Variants in DST observed in about 807,000 individuals in gnomAD.
DST encodes dystonin.
A neutral mutation model predicts 875.2 loss-of-function variants in DST; 253 were observed. The ratio of observed to expected loss-of-function variants is 0.29; its 90% confidence interval spans 0.26 to 0.32. The LOEUF (loss-of-function observed/expected upper bound fraction) is 0.32. Ranked by LOEUF, DST falls within the 10% of genes least tolerant of loss-of-function variation. The pLI, the probability that DST is intolerant of heterozygous loss-of-function variation, is 1.00. For synonymous variants in DST, 3,124 were observed against 3,197.1 expected (o/e 0.98, Z 0.77); for missense variants, 8,287 against 9,111.6 (o/e 0.91, Z 3.68).
In DST at chr6:56,572,760, G is replaced by C; in HGVS notation, c.13541C>G (p.Ser4514Cys). 6.3e-7 allele frequency: 1 copy of C among 1,593,588 alleles called. No homozygotes were observed. Among genetic ancestry groups the C allele is most frequent in the Non-Finnish European group, 8.5e-7 (1 of 1,171,332 alleles). The change falls in exon 52 of 104, where the codon TCT (serine) becomes TGT (cysteine). Residue 4514 changes from serine to cysteine, a missense_variant. Physicochemically the swap from Ser to Cys is moderately radical, Grantham distance 112 (BLOSUM62 -1). This residue lies in a region of DST where 1,513 missense variants were observed against 1,677.8 expected (regional missense o/e 0.90). Transcript: ENST00000680361. Reference protein sequence around the residue: ...DVPGKDVTELSQYMQESTSEF... With the variant: ...DVPGKDVTELCQYMQESTSEF... ...AGGGAGGCATACCTGCATATACTGA[G>C]ACAATTCAGTAACATCTTTTCCTGG...
chr6:56,801,994 C>T (rs545037828), intron 4 of DST, among the ~76,000 whole-genome samples: 18 of 152,186 alleles, frequency 1.2e-4, no homozygotes, highest in African/African-American at 3.9e-4. Context: ...AGGTGATTGG[C>T]CCACCTCAGC....
chr6:56,702,363 GTTTTTATA>G (rs1300261766), intron 7 of DST, among the ~76,000 whole-genome samples: 1 of 151,178 alleles, frequency 6.6e-6, no homozygotes, highest in African/African-American at 2.5e-5. Flanking sequence ...TAGCAAGAGG[GTTTTTATA>G]ACTGTATATA....
chr6:56,615,971 C>A (rs148062292), intron 36 of DST: 1 of 1,614,224 alleles, frequency 6.2e-7, no homozygotes, highest in Non-Finnish European at 8.5e-7. Context: ...TTCGGCCACC[C>A]GGTACTTTTT....
At chr6:56,770,721 C>G (rs974235541) in intron 4 of DST, among the ~76,000 whole-genome samples, 1 of 152,154 alleles carries the variant, frequency 6.6e-6, no homozygotes, top group African/African-American at 2.4e-5. Flanking sequence ...AACAAAGGGG[C>G]TGGGCACAGT....
chr6:56,500,185 A>G (rs1454420597), intron 80 of DST, among the ~76,000 whole-genome samples: 1 of 152,154 alleles, frequency 6.6e-6, no homozygotes, highest in African/African-American at 2.4e-5. Flanking sequence ...AAAATAATCA[A>G]ACATTTCCTA....
At position 56,511,161 on chromosome 6, in the gene DST, C is replaced by A. The variant is rs755119157; in HGVS notation, c.18780+36G>T. ...ATGTCTTTCTGTGCTCTGTTGTCTGCAAGAACCCAATTCTATATCTAGTGT... is the reference window on the plus strand; with the variant it reads ...ATGTCTTTCTGTGCTCTGTTGTCTGAAAGAACCCAATTCTATATCTAGTGT... On this transcript the variant is annotated intron_variant, in intron 73 of 103. Transcript: ENST00000680361. 25 of 1,526,784 alleles carry A rather than the reference C, an allele frequency of 1.6e-5. No individual in the cohort carries two copies. In the Admixed American group the frequency reaches 4.7e-4, roughly 29 times the overall value. The allele number at this position is 1,526,784 out of a possible 1,614,324, so 94.6% of individuals were successfully genotyped here.
chr6:56,631,367 C>A lies in DST; in HGVS notation c.3986G>T (p.Arg1329Leu), dbSNP rs763518239. 2.0e-5 allele frequency: 33 copies of A among 1,613,834 alleles called. No individual in the cohort carries two copies. In the East Asian group the frequency reaches 7.1e-4, roughly 35 times the overall value. ...GATTGTTCCCAAATCATCTTTAAGT[C>A]GTTCCAGCTCTTTCTTTAGTTTCTA... The part of the protein sequence containing the change: ...EQEKLKKELE[R>L]LKDDLGTITN... The change falls in exon 30 of 104, where the codon CGA (arginine) becomes CTA (leucine). Residue 1329 changes from arginine to leucine, a missense_variant. By Grantham distance (102) the Arg-to-Leu change is moderately radical. Coordinates refer to ENST00000680361, the MANE Select transcript of DST (RefSeq NM_001374736.1).
chr6:56,461,867 T>C (rs1038008678), intron 102 of DST: 3 of 151,972 alleles, frequency 2.0e-5, no homozygotes, highest in Non-Finnish European at 4.4e-5. Flanking sequence ...TGGGAAGGGG[T>C]GGAAATGAGG....
At position 56,781,369 on chromosome 6, in the gene DST, C is replaced by T. The variant is rs1257912260; in HGVS notation, c.626-46080G>A. 2.6e-5 allele frequency among the ~76,000 whole-genome samples: 4 copies of T among 152,296 alleles called. No homozygotes were observed. In the South Asian group the frequency reaches 8.3e-4, roughly 32 times the overall value. The stretch of plus-strand genomic sequence containing the variant: ...CTACCCATGAGCATGGAATGTTCTT[C>T]CATTCGTTTGTATCCTCTTTTATTT... On this transcript the variant is annotated intron_variant, in intron 4 of 103. Coordinates refer to ENST00000680361, the MANE Select transcript of DST (RefSeq NM_001374736.1).
intron 4 of DST, among the ~76,000 whole-genome samples, chr6:56,753,554 A>T (rs1033114308): frequency 6.6e-6 from 1 of 152,232 alleles, no homozygotes; most frequent in African/African-American, 2.4e-5. Context: ...TATGCACCTA[A>T]GAGAATGCTT....
At position 56,609,147 on chromosome 6, in the gene DST, A is replaced by G. The variant is rs374549804; in HGVS notation, c.5481T>C (p.Ile1827=). Residue 1827 remains isoleucine, a synonymous_variant, in exon 40 of 104, where the codon ATT becomes ATC. Transcript: ENST00000680361. The part of the protein sequence containing the change: ...DLKDAKSHGL[I]DEQILCQLKE... ...TGAGTTGGCACAGAATTTGTTCATC[A>G]ATAAGGCCATGACTTTTGGCATCTT... The G allele has an allele frequency of 3.3e-5, 54 of 1,613,852 alleles. No individual in the cohort carries two copies. The African/African-American group carries it at 3.6e-4, about 11-fold the overall frequency.
intron 84 of DST, 77 bp from the exon 85 acceptor site, chr6:56,492,510 A>G: frequency 7.2e-7 from 1 of 1,388,532 alleles, no homozygotes; most frequent in Non-Finnish European, 1.0e-6. Context: ...GGTGTCATAA[A>G]CCTGAAATTA....
chr6:56,695,126 CAA>C (rs34456344), intron 9 of DST, among the ~76,000 whole-genome samples: 1,701 of 70,024 alleles, frequency 0.024, 49 homozygotes, highest in African/African-American at 0.086. Context: ...GACTCCCTCT[CAA>C]AAAAAAAAAA....
At chr6:56,598,374 T>C (rs773579013) in intron 46 of DST, 102 bp downstream of exon 46, 217 of 703,530 alleles carry the variant, frequency 3.1e-4, no homozygotes, top group Non-Finnish European at 3.7e-4. Flanking sequence ...TAATAATCCT[T>C]AGTGATAATC....
In DST at chr6:56,572,234, T is replaced by G; in HGVS notation, c.13587A>C (p.Lys4529Asn). ...ESTSEFLEHK[K>N]HLEVLHSLLK... ...AGAGACTATGCAAAACTTCAAGATG[T>G]TTCTTGTGTTCTAAAAATTCAGAAG... The change falls in exon 53 of 104, where the codon AAA becomes AAC. Residue 4529 changes from lysine (K) to asparagine (N), a missense_variant. By Grantham distance (94) the Lys-to-Asn change is moderately conservative (BLOSUM62 0). This residue lies in a region of DST where 1,513 missense variants were observed against 1,677.8 expected (regional missense o/e 0.90). Coordinates refer to ENST00000680361, the MANE Select transcript of DST (RefSeq NM_001374736.1). 1 of 1,571,322 alleles carries G rather than the reference T, an allele frequency of 6.4e-7. No individual in the cohort carries two copies. The highest frequency in any genetic ancestry group is 8.6e-7 in the Non-Finnish European group (1 of 1,157,888).
chr6:56,500,997 A>C (rs1001812096), intron 80 of DST, 83 bp downstream of exon 80: 6 of 1,375,972 alleles, frequency 4.4e-6, no homozygotes, highest in Non-Finnish European at 4.9e-6. Context: ...TGAAACACGC[A>C]TAAAGAAGAA....
At position 56,492,285 on chromosome 6, in the gene DST, A is replaced by G. The variant is rs368537116; in HGVS notation, c.20699T>C (p.Val6900Ala). ...ISVQSRWEKVVQRLVERGRSL... is the reference protein window; with the variant it reads ...ISVQSRWEKVAQRLVERGRSL... ...TCTTCCTCTCTCTACCAACCGTTGA[A>G]CCACTTTTTCCCATCGACTTTGTAC... Residue 6900 changes from valine (V) to alanine (A), a missense_variant, in exon 85 of 104, where the codon GTT becomes GCT. Val to Ala is a moderately conservative substitution (Grantham distance 64). Around this residue, in one of 10 missense-constraint regions of DST, gnomAD observed 1,292 missense variants for 1,552.7 expected, o/e 0.83. Transcript: ENST00000680361. The G allele has an allele frequency of 2.5e-6, 4 of 1,613,748 alleles. No homozygotes were observed. The highest frequency in any genetic ancestry group is 2.7e-5 in the African/African-American group (2 of 74,908).
At position 56,630,369 on chromosome 6, in the gene DST, T is replaced by A; in HGVS notation, c.4157A>T (p.Asn1386Ile). The A allele has an allele frequency of 6.2e-7, 1 of 1,612,714 alleles. No individual in the cohort carries two copies. Among genetic ancestry groups the A allele is most frequent in the Non-Finnish European group, 8.5e-7 (1 of 1,179,878 alleles). ...AGCTTGAGTGTTTTTTAACACCAAGTTAACAGTTTTCAACCTTAAAAAGGA... is the reference window on the plus strand; with the variant it reads ...AGCTTGAGTGTTTTTTAACACCAAGATAACAGTTTTCAACCTTAAAAAGGA... Reference protein sequence around the residue: ...STYIDKLKTVNLVLKNTQAAE... With the variant: ...STYIDKLKTVILVLKNTQAAE... The change falls in exon 31 of 104, where the codon AAC (asparagine) becomes ATC (isoleucine). Residue 1386 changes from asparagine (N) to isoleucine (I), a missense_variant. Physicochemically the swap from Asn to Ile is moderately radical, Grantham distance 149. This residue lies in a region of DST where 3,138 missense variants were observed against 3,116.6 expected (regional missense o/e 1.01). Coordinates refer to ENST00000680361, the MANE Select transcript of DST (RefSeq NM_001374736.1).
intron 4 of DST, among the ~76,000 whole-genome samples, chr6:56,735,803 G>A (rs2099521191): frequency 1.3e-5 from 2 of 152,152 alleles, no homozygotes; most frequent in Admixed American, 6.5e-5. Context: ...GCTTGAAGTA[G>A]ACTCTGGCTG....
Sources: gnomAD v4.1 joint callset for allele counts (sites outside exome capture counted in the v4.1 genomes callset) on GRCh38, gnomAD v4.1.1 for gene constraint, gnomAD v4.1.1 regional missense constraint, MANE v1.5 for transcripts, NCBI Gene and HGNC (gene_info 2026-07-23, HGNC 2026-07-21) for gene names.